Variants in PCSK9 observed in about 807,000 individuals in gnomAD.
PCSK9 encodes convertase subtilisin/kexin type 9 preproprotein.
A neutral mutation model predicts 62.1 loss-of-function variants in PCSK9; 57 were observed. That is an observed-to-expected ratio of 0.92 (90% confidence interval 0.74 to 1.14). The LOEUF (loss-of-function observed/expected upper bound fraction) is 1.14, where lower values mean the gene tolerates loss of function less well. PCSK9 is among the 50% of genes most tolerant of loss of function. The probability of loss-of-function intolerance (pLI) is 0.00; values close to 1 mark genes in which losing one functional copy is unlikely to be tolerated. For missense variants in PCSK9, 870 were observed against 959.8 expected (o/e 0.91, Z 1.24); for synonymous variants, 387 against 409.4 (o/e 0.95, Z 0.66).
At chr1:55,051,057 C>T (rs1331764191) in intron 3 of PCSK9, 18 of 434,722 alleles carry the variant, frequency 4.1e-5, no homozygotes, top group South Asian at 1.3e-4. Flanking sequence ...AGCCGGAAGA[C>T]GTGAGGCAGG....
chr1:55,039,993 G>A lies in PCSK9; in HGVS notation c.156G>A (p.Leu52=), dbSNP rs1231649101. The change falls in exon 1 of 12, where the codon CTG becomes CTA. Residue 52 remains leucine, a synonymous_variant. Coordinates refer to ENST00000302118, the MANE Select transcript of PCSK9 (RefSeq NM_174936.4). ...CCTTGCGTTCCGAGGAGGACGGCCT[G>A]GCCGAAGCACCCGAGCACGGAACCA... ...VLALRSEEDG[L]AEAPEHGTTA... 3.2e-6 allele frequency: 5 copies of A among 1,580,466 alleles called. No individual in the cohort carries two copies. Among genetic ancestry groups the A allele is most frequent in the Middle Eastern group, 2.0e-4 (1 of 5,030 alleles).
intron 5 of PCSK9, among the ~76,000 whole-genome samples, chr1:55,053,631 T>C (rs1375773174): frequency 6.6e-6 from 1 of 152,148 alleles, no homozygotes; most frequent in African/African-American, 2.4e-5. Context: ...CACTAGCCTG[T>C]TTCAAAGGCT....
chr1:55,056,070 T>C lies in PCSK9; in HGVS notation c.877T>C (p.Tyr293His). 1 of 1,601,366 alleles carries C rather than the reference T, an allele frequency of 6.2e-7. No individual in the cohort carries two copies. Among genetic ancestry groups the C allele is most frequent in the Non-Finnish European group, 8.5e-7 (1 of 1,172,282 alleles). Reference sequence around the variant, plus strand: ...GGTGCTGCTGCCCCTGGCGGGTGGGTACAGCCGCGTCCTCAACGCCGCCTG... The same window carrying C: ...GGTGCTGCTGCCCCTGGCGGGTGGGCACAGCCGCGTCCTCAACGCCGCCTG... ...LVVLLPLAGG[Y>H]SRVLNAACQR... is the part of the protein sequence containing the mutation. Residue 293 changes from tyrosine (Y) to histidine (H), a missense_variant, in exon 6 of 12, where the codon TAC (tyrosine) becomes CAC (histidine). By Grantham distance (83) the Tyr-to-His change is moderately conservative. Coordinates refer to ENST00000302118, the MANE Select transcript of PCSK9 (RefSeq NM_174936.4).
intron 3 of PCSK9, chr1:55,051,200 G>A (rs1243995797): frequency 2.2e-6 from 1 of 456,246 alleles, no homozygotes; most frequent in Non-Finnish European, 4.4e-6. Context: ...AGCATATTTG[G>A]AGGATCACTG....
At chr1:55,048,825 A>G (rs1169725736) in intron 3 of PCSK9, among the ~76,000 whole-genome samples, 3 of 152,226 alleles carry the variant, frequency 2.0e-5, no homozygotes, top group African/African-American at 4.8e-5. Flanking sequence ...TTGGAGGGTT[A>G]AATCAGTTAT....
chr1:55,059,577 C>T lies in PCSK9; in HGVS notation c.1595C>T (p.Ala532Val). Residue 532 changes from alanine to valine, a missense_variant, in exon 10 of 12, where the codon GCC becomes GTC. By Grantham distance (64) the Ala-to-Val change is moderately conservative. Coordinates refer to ENST00000302118, the MANE Select transcript of PCSK9 (RefSeq NM_174936.4). ...AIARCCLLPQ[A>V]NCSVHTAPPA... ...GCCAGGTGCTGCCTGCTACCCCAGG[C>T]CAACTGCAGCGTCCACACAGCTCCA... The T allele has an allele frequency of 6.4e-7, 1 of 1,554,310 alleles. No homozygotes were observed. The highest frequency in any genetic ancestry group is 8.7e-7 in the Non-Finnish European group (1 of 1,148,146).
rs200529774 is a variant in PCSK9 at position 55,059,680 on chromosome 1, G to A, written c.1681+17G>A. 1.7e-3 allele frequency: 2,591 copies of A among 1,548,338 alleles called. 10 individuals are homozygous for A. The highest frequency in any genetic ancestry group is 1.0e-3 in the Non-Finnish European group (1,193 of 1,145,852). On this transcript the variant is annotated intron_variant, in intron 10 of 11. Coordinates refer to ENST00000302118, the MANE Select transcript of PCSK9 (RefSeq NM_174936.4). ...TCCTCACAGGTAGGAGGCTGGGCTT[G>A]CCCTGGGGTGAGGAGGGGTCTCTTT...
intron 4 of PCSK9, 115 bp from the exon 5 acceptor site, chr1:55,052,535 T>C: frequency 6.2e-7 from 1 of 1,603,296 alleles, no homozygotes; most frequent in Non-Finnish European, 8.5e-7. Flanking sequence ...CAGCTGTCAC[T>C]GTCCCCTCCC....
At chr1:55,050,333 C>G (rs1557502487) in intron 3 of PCSK9, among the ~76,000 whole-genome samples, 1 of 152,196 alleles carries the variant, frequency 6.6e-6, no homozygotes, top group Non-Finnish European at 1.5e-5. Context: ...TAGCCCAGCT[C>G]AATATCTAGT....
intron 11 of PCSK9, 152 bp from the exon 12 acceptor site, chr1:55,063,217 G>A (rs1350747035): frequency 1.5e-5 from 12 of 777,896 alleles, no homozygotes; most frequent in East Asian, 5.4e-5. Context: ...TGCGGGGTGG[G>A]AGATACACGG....
chr1:55,061,628 T>C, intron 11 of PCSK9, 72 bp downstream of exon 11: 1 of 1,531,076 alleles, frequency 6.5e-7, no homozygotes, highest in South Asian at 1.2e-5. Context: ...TGTGTCAGTT[T>C]GTGCCACCAC....
intron 7 of PCSK9, 50 bp from the exon 8 acceptor site, chr1:55,057,986 G>A: frequency 1.9e-6 from 3 of 1,607,420 alleles, no homozygotes; most frequent in Non-Finnish European, 2.6e-6. Flanking sequence ...CCCCTGCTGG[G>A]GCAGGAGGGC....
rs531275625 is a variant in PCSK9, at chr1:55,062,205, C to A, written c.1863+649C>A. 4.1e-4 allele frequency among the ~76,000 whole-genome samples: 63 copies of A among 152,372 alleles called. 1 individual carries two copies. Among genetic ancestry groups the A allele is most frequent in the Middle Eastern group, 6.8e-3 (2 of 294 alleles). On this transcript the variant is annotated intron_variant, in intron 11 of 11. Coordinates refer to ENST00000302118, the MANE Select transcript of PCSK9 (RefSeq NM_174936.4). The stretch of plus-strand genomic sequence containing the variant: ...TGTGACAGCCGGGCCTTCTAGAAAC[C>A]TGAGTGTATAACTCTCCTTAAAAGC...
rs1322377066 is a variant in PCSK9 at position 55,058,651 on chromosome 1, A to T, written c.1503+4A>T. The T allele has an allele frequency of 6.2e-7, 1 of 1,604,534 alleles. No individual in the cohort carries two copies. Among genetic ancestry groups the T allele is most frequent in the African/African-American group, 1.4e-5 (1 of 73,492 alleles). On this transcript the variant is annotated splice_donor_region_variant and intron_variant, in intron 9 of 11. Coordinates refer to ENST00000302118, the MANE Select transcript of PCSK9 (RefSeq NM_174936.4). ...GCGGCGGGGCGAGCGCATGGAGGTG[A>T]CTGTACCCCTCCTTCGTGTGTGTGT...
At chr1:55,053,133 G>A (rs1326323424) in intron 5 of PCSK9, among the ~76,000 whole-genome samples, 1 of 152,088 alleles carries the variant, frequency 6.6e-6, no homozygotes, top group Non-Finnish European at 1.5e-5. Flanking sequence ...GGGACTCGAG[G>A]TGATCTAAGC....
chr1:55,039,956 A>G lies in PCSK9; in HGVS notation c.119A>G (p.Glu40Gly). The part of the protein sequence containing the change: ...AQEDEDGDYE[E>G]LVLALRSEED... Reference sequence around the variant, plus strand: ...GAGGACGAGGACGGCGACTACGAGGAGCTGGTGCTAGCCTTGCGTTCCGAG... The same window carrying G: ...GAGGACGAGGACGGCGACTACGAGGGGCTGGTGCTAGCCTTGCGTTCCGAG... Residue 40 changes from glutamate (E) to glycine (G), a missense_variant, in exon 1 of 12, where the codon GAG becomes GGG. Glu to Gly is a moderately conservative substitution (Grantham distance 98). Transcript: ENST00000302118. 1 of 1,576,820 alleles carries G rather than the reference A, an allele frequency of 6.3e-7. No homozygotes were observed. The highest frequency in any genetic ancestry group is 8.6e-7 in the Non-Finnish European group (1 of 1,162,340).
chr1:55,049,289 G>A (rs1644657194), intron 3 of PCSK9, among the ~76,000 whole-genome samples: 1 of 152,236 alleles, frequency 6.6e-6, no homozygotes, highest in African/African-American at 2.4e-5. Context: ...GACCGAGGCT[G>A]GTGAGACCAG....
At chr1:55,051,359 C>T (rs1435893209) in intron 3 of PCSK9, 5 of 363,130 alleles carry the variant, frequency 1.4e-5, no homozygotes, top group African/African-American at 1.1e-4. Context: ...CAGGGCCAGG[C>T]CATTTCCGCT....
intron 5 of PCSK9, among the ~76,000 whole-genome samples, chr1:55,054,137 A>G (rs1019518370): frequency 2.0e-5 from 3 of 152,140 alleles, no homozygotes; most frequent in African/African-American, 7.2e-5. Flanking sequence ...TAATCCCAGC[A>G]CTTTGGGAGG....
Sources: allele counts gnomAD v4.1 joint callset (sites outside exome capture counted in the v4.1 genomes callset), GRCh38; gene constraint gnomAD v4.1.1; transcripts MANE v1.5; gene names NCBI Gene and HGNC (gene_info 2026-07-23, HGNC 2026-07-21).